TMEM268: variants seen among roughly 807,000 people sequenced by gnomAD.
TMEM268 encodes transmembrane protein 268.
Under a neutral mutation model 39.1 loss-of-function variants are expected in TMEM268, and 24 were observed. The ratio of observed to expected loss-of-function variants is 0.61; its 90% confidence interval spans 0.44 to 0.86. TMEM268 has a LOEUF of 0.86. TMEM268 is among the 40% of genes least tolerant of loss of function. The pLI, the probability that TMEM268 is intolerant of heterozygous loss-of-function variation, is 0.00. For synonymous variants in TMEM268, 176 were observed against 173.5 expected, an observed-to-expected ratio of 1.01 and a Z score of -0.12; for missense variants, 409 against 428.6, an observed-to-expected ratio of 0.95 and a Z score of 0.40.
At chr9:114,614,996 A>T (rs912892849) in intron 1 of TMEM268, among the ~76,000 whole-genome samples, 19 of 150,864 alleles carry the variant, frequency 1.3e-4, no homozygotes, top group African/African-American at 4.6e-4. Context: ...TCCCGGGTTC[A>T]AGTGATTCTC....
At chr9:114,615,767 G>A (rs1426793043) in intron 1 of TMEM268, among the ~76,000 whole-genome samples, 1 of 152,024 alleles carries the variant, frequency 6.6e-6, no homozygotes, top group African/African-American at 2.4e-5. Flanking sequence ...TCAGCTCACT[G>A]CAACCTCCGC....
At chr9:114,633,379 C>A (rs1242893327) in intron 5 of TMEM268, among the ~76,000 whole-genome samples, 1 of 152,108 alleles carries the variant, frequency 6.6e-6, no homozygotes. Context: ...CCAGGCTGGT[C>A]TCGAACTCCT....
intron 8 of TMEM268, among the ~76,000 whole-genome samples, chr9:114,639,547 G>C (rs1846799325): frequency 6.6e-6 from 1 of 151,962 alleles, no homozygotes; most frequent in South Asian, 2.1e-4. Context: ...CTCATGATGA[G>C]GACAGACCCA....
At chr9:114,614,405 C>T (rs541849092) in intron 1 of TMEM268, among the ~76,000 whole-genome samples, 35 of 152,314 alleles carry the variant, frequency 2.3e-4, no homozygotes, top group African/African-American at 7.5e-4. Flanking sequence ...AAGCCCCTCC[C>T]ATTTGGTTTA....
intron 5 of TMEM268, among the ~76,000 whole-genome samples, chr9:114,631,558 TG>T (rs1216505806): frequency 6.6e-6 from 1 of 152,136 alleles, no homozygotes; most frequent in Non-Finnish European, 1.5e-5. Flanking sequence ...TATCTCCATT[TG>T]GGGGTAAGGA....
At chr9:114,616,457 C>G (rs1845718347) in intron 1 of TMEM268, among the ~76,000 whole-genome samples, 1 of 152,136 alleles carries the variant, frequency 6.6e-6, no homozygotes, top group Non-Finnish European at 1.5e-5. Context: ...CCTCTGCCTT[C>G]TGGGTTCAAG....
chr9:114,620,681 A>G (rs1367789992), intron 2 of TMEM268, among the ~76,000 whole-genome samples: 1 of 152,164 alleles, frequency 6.6e-6, no homozygotes, highest in Non-Finnish European at 1.5e-5. Context: ...TAAATTATGA[A>G]AATAGCAGCC....
In TMEM268 at chr9:114,624,577, G is replaced by A. The variant is rs1371175930; in HGVS notation, c.216+118G>A. On this transcript the variant is annotated intron_variant, in intron 3 of 8. Coordinates refer to ENST00000288502, the MANE Select transcript of TMEM268 (RefSeq NM_153045.4). ...AACAGTCTGTACCAGCTGTCGTAGGGTATATAAGGAAGGTATATTAGAAGT... is the reference window on the plus strand; with the variant it reads ...AACAGTCTGTACCAGCTGTCGTAGGATATATAAGGAAGGTATATTAGAAGT... 7.7e-6 allele frequency: 11 copies of A among 1,425,338 alleles called. No individual in the cohort carries two copies. In the Admixed American group the frequency reaches 2.5e-4, roughly 33 times the overall value. 88.3% of individuals were successfully genotyped at this position (1,425,338 alleles called of 1,614,324 possible).
intron 3 of TMEM268, among the ~76,000 whole-genome samples, chr9:114,624,713 A>T (rs113748471): frequency 3.3e-5 from 5 of 152,368 alleles, no homozygotes; most frequent in African/African-American, 1.2e-4. Flanking sequence ...GGTGGACAGG[A>T]CACAGTACCT....
chr9:114,622,174 T>C (rs1845972205), intron 2 of TMEM268: 4 of 985,164 alleles, frequency 4.1e-6, no homozygotes, highest in Non-Finnish European at 4.8e-6. Context: ...TCCTGGAAAG[T>C]GGAGTGAGTC....
intron 5 of TMEM268, among the ~76,000 whole-genome samples, chr9:114,632,098 CAAAAA>C (rs57460241): frequency 1.3e-5 from 1 of 77,374 alleles, no homozygotes; most frequent in Non-Finnish European, 2.7e-5. Context: ...ACTAGGTCTC[CAAAAA>C]AAAAAAAAAA....
At chr9:114,622,765 A>G (rs781667515) in intron 2 of TMEM268, among the ~76,000 whole-genome samples, 3 of 152,192 alleles carry the variant, frequency 2.0e-5, no homozygotes, top group Non-Finnish European at 4.4e-5. Flanking sequence ...TATTGCTGCT[A>G]TAACAAGTTA....
intron 4 of TMEM268, 27 bp from the exon 5 acceptor site, chr9:114,628,074 C>T: frequency 5.6e-6 from 9 of 1,610,034 alleles, no homozygotes; most frequent in Non-Finnish European, 7.6e-6. Context: ...AAGTTCCTGA[C>T]CATGCTCTCT....
chr9:114,634,478 G>T (rs902834532), intron 6 of TMEM268, among the ~76,000 whole-genome samples: 4 of 152,116 alleles, frequency 2.6e-5, no homozygotes, highest in Non-Finnish European at 4.4e-5. Context: ...CCGAAGGTTG[G>T]GGGGAGATCT....
chr9:114,617,789 C>A (rs1845790445), intron 2 of TMEM268, among the ~76,000 whole-genome samples: 1 of 152,176 alleles, frequency 6.6e-6, no homozygotes, highest in Admixed American at 6.5e-5. Context: ...CCAGGCTGGT[C>A]TCAGACTCCT....
chr9:114,606,799 T>C (rs74400413), upstream of TMEM268, among the ~76,000 whole-genome samples: 6,578 of 151,960 alleles, frequency 0.043, 195 homozygotes, highest in East Asian at 0.14. Context: ...TTCCAAGTAG[T>C]ATGTCTCCAT....
rs756917912 is a variant in TMEM268 at position 114,643,306 on chromosome 9, C to T, written c.1022C>T (p.Ala341Val). 61 of 1,613,820 alleles carry T rather than the reference C, an allele frequency of 3.8e-5. No individual in the cohort carries two copies. The highest frequency in any genetic ancestry group is 1.6e-4 in the South Asian group (15 of 91,070). The change falls in exon 9 of 9, where the codon GCG (alanine) becomes GTG (valine). Residue 341 changes from alanine to valine, a missense_variant. Physicochemically the swap from Ala to Val is moderately conservative, Grantham distance 64. Transcript: ENST00000288502. The stretch of plus-strand genomic sequence containing the variant: ...GGCACAGGGTGCTGCCCGTTCCTGG[C>T]GAGGTGACCTAGGGATGAAGGTACT... ...ILGTGCCPFLAR is the reference protein window; with the variant it reads ...ILGTGCCPFLVR
Position 114,611,559 on chromosome 9 carries a change from C to CGGCGGCGGCGCGGGCGGTGA in TMEM268, c.-82_-81insCGGCGGCGCGGGCGGTGAGG, listed in dbSNP as rs1161043080. 1 of 139,924 alleles carries CGGCGGCGGCGCGGGCGGTGA rather than the reference C, an allele frequency of 7.1e-6. No homozygotes were observed. Among genetic ancestry groups the CGGCGGCGGCGCGGGCGGTGA allele is most frequent in the African/African-American group, 2.9e-5 (1 of 34,462 alleles). 8.7% of individuals were successfully genotyped at this position (139,924 alleles called of 1,614,324 possible). ...GGCGGCGGCGGCGGCGGCGGCGGCGCGGGCGGTGAGTGTGCGCGGGCCCGG... is the reference window on the plus strand; with the variant it reads ...GGCGGCGGCGGCGGCGGCGGCGGCGCGGCGGCGGCGCGGGCGGTGAGGGCGGTGAGTGTGCGCGGGCCCGG... On this transcript the variant is annotated 5_prime_UTR_variant, in exon 1 of 9. Coordinates refer to ENST00000288502, the MANE Select transcript of TMEM268 (RefSeq NM_153045.4).
upstream of TMEM268, among the ~76,000 whole-genome samples, chr9:114,606,479 TG>T (rs2133568836): frequency 6.6e-6 from 1 of 152,352 alleles, no homozygotes; most frequent in East Asian, 1.9e-4. Context: ...ATCAATGTAA[TG>T]GAGCCACTAG....
Sources: gnomAD v4.1 joint callset for allele counts (sites outside exome capture counted in the v4.1 genomes callset) on GRCh38, gnomAD v4.1.1 for gene constraint, MANE v1.5 for transcripts, NCBI Gene and HGNC (gene_info 2026-07-23, HGNC 2026-07-21) for gene names.